LRTM2: variants seen among roughly 807,000 people sequenced by gnomAD.
The protein encoded by LRTM2 is leucine rich repeat transmembrane protein 2, also known as leucine-rich repeat and transmembrane domain-containing protein 2.
In LRTM2, 18 loss-of-function variants were observed where a neutral mutation model predicts 28.1. The ratio of observed to expected loss-of-function variants is 0.64; its 90% CI spans 0.44 to 0.95. LRTM2 has a LOEUF of 0.95. Among genes scored for constraint, LRTM2 ranks in the 40% least tolerant of loss-of-function variants. The pLI, the probability that LRTM2 is intolerant of heterozygous loss-of-function variation, is 0.00. For missense variants in LRTM2, 436 were observed against 497.2 expected, an observed-to-expected ratio of 0.88 and a Z score of 1.17; for synonymous variants, 250 against 218.7, an observed-to-expected ratio of 1.14 and a Z score of -1.26.
intron 1 of LRTM2, among the ~76,000 whole-genome samples, chr12:1,821,100 C>T (rs577154178): frequency 5.3e-5 from 8 of 152,278 alleles, no homozygotes; most frequent in Non-Finnish European, 7.3e-5. Flanking sequence ...ATGACAGTCC[C>T]GGGTGGCATA....
chr12:1,821,831 TCCCCCACC>T (rs1774306008), intron 1 of LRTM2, among the ~76,000 whole-genome samples: 1 of 151,810 alleles, frequency 6.6e-6, no homozygotes, highest in South Asian at 2.1e-4. Flanking sequence ...GCCCTGTCTC[TCCCCCACC>T]CCCAAGCTGT....
In LRTM2 at chr12:1,829,323, A is replaced by C. The variant is rs1864512504; in HGVS notation, c.67+1108A>C. 1.3e-5 allele frequency among the ~76,000 whole-genome samples: 2 copies of C among 152,136 alleles called. No individual in the cohort carries two copies. The highest frequency in any genetic ancestry group is 4.8e-5 in the African/African-American group (2 of 41,432). On this transcript the variant is annotated intron_variant, in intron 3 of 4. Coordinates refer to ENST00000299194, the MANE Select transcript of LRTM2 (RefSeq NM_001039029.3). This position sits in a 1 kb window ranked among gnomAD's most constrained non-coding sequence, Gnocchi z 4.2. ...TCCTGGGGAAAGTCAAGTCTGAAGAATGCTGATTTTCAAATGGCTTGGGGT... is the reference window on the plus strand; with the variant it reads ...TCCTGGGGAAAGTCAAGTCTGAAGACTGCTGATTTTCAAATGGCTTGGGGT...
chr12:1,832,291 G>A (rs367610788), intron 4 of LRTM2, among the ~76,000 whole-genome samples: 4 of 152,142 alleles, frequency 2.6e-5, no homozygotes, highest in Non-Finnish European at 2.9e-5. Context: ...GGCAGGGCCT[G>A]GTCTGTAAAG....
In LRTM2 at chr12:1,820,833, GT is replaced by G. The variant is rs1174085444; in HGVS notation, c.-259+20del. ...AAGACGGGTGAGTACCGAGTGGCTG[GT>G]AGGAAGGAATGGAGGGTTGGTGGGG... On this transcript the variant is annotated intron_variant, in intron 1 of 4. Transcript: ENST00000299194. The surrounding 1 kb of genome is among the most constrained non-coding windows in gnomAD (Gnocchi z 6.0). 2.0e-5 allele frequency: 3 copies of G among 152,350 alleles called. No homozygotes were observed. Among genetic ancestry groups the G allele is most frequent in the African/African-American group, 7.2e-5 (3 of 41,464 alleles). The allele number at this position is 152,350 out of a possible 1,614,324, so 9.4% of individuals were successfully genotyped here. A position where few individuals can be genotyped will look rare whatever the true frequency, so the allele number is the denominator to read the frequency against.
At chr12:1,826,636 G>A (rs1673099005) in intron 1 of LRTM2, among the ~76,000 whole-genome samples, 1 of 152,324 alleles carries the variant, frequency 6.6e-6, no homozygotes, top group Middle Eastern at 3.4e-3. Context: ...TGGCACCCTC[G>A]CTGCGTGGGG....
Position 1,828,298 on chromosome 12 carries a change from T to G in LRTM2, c.67+83T>G. 2.5e-6 allele frequency: 3 copies of G among 1,210,782 alleles called. No individual in the cohort carries two copies. The highest frequency in any genetic ancestry group is 2.3e-6 in the Non-Finnish European group (2 of 879,316). The allele number at this position is 1,210,782 out of a possible 1,614,324, so 75.0% of individuals were successfully genotyped here. The stretch of plus-strand genomic sequence containing the variant: ...CTGTAGGTAGCGCCATATGGGACCT[T>G]AGCCACACTCAGGCTGCAGGGAGGC... On this transcript the variant is annotated intron_variant, in intron 3 of 4. Coordinates refer to ENST00000299194, the MANE Select transcript of LRTM2 (RefSeq NM_001039029.3). The surrounding 1 kb of genome is among the most constrained non-coding windows in gnomAD (Gnocchi z 4.2).
chr12:1,821,078 C>T (rs1300361773), intron 1 of LRTM2, among the ~76,000 whole-genome samples: 2 of 152,178 alleles, frequency 1.3e-5, no homozygotes, highest in African/African-American at 2.4e-5. Context: ...AGGAGGGCAG[C>T]GCTGGCGCCA....
intron 1 of LRTM2, among the ~76,000 whole-genome samples, chr12:1,822,337 T>A (rs1391529724): frequency 6.6e-6 from 1 of 151,864 alleles, no homozygotes; most frequent in Non-Finnish European, 1.5e-5. Flanking sequence ...GTTGGGGGTG[T>A]CTGGGAGTTC....
At position 1,826,414 on chromosome 12, in the gene LRTM2, C is replaced by T. The variant is rs1024732498; in HGVS notation, c.-258-996C>T. 2.7e-3 allele frequency among the ~76,000 whole-genome samples: 369 copies of T among 138,518 alleles called. 2 individuals carry two copies. The highest frequency in any genetic ancestry group is 9.6e-3 in the African/African-American group (349 of 36,496). The allele number at this position is 138,518 out of a possible 152,430, so 90.9% of individuals were successfully genotyped here. A position where few individuals can be genotyped will look rare whatever the true frequency, so the allele number is the denominator to read the frequency against. On this transcript the variant is annotated intron_variant, in intron 1 of 4. Transcript: ENST00000299194. ...TTGAACCCAGAGCCCCCCCCCCCCC[C>T]CCGCCAACTGGCACCAGGAGCCCAC...
chr12:1,834,914 G>T lies in LRTM2; in HGVS notation c.*193G>T. On this transcript the variant is annotated 3_prime_UTR_variant, in exon 5 of 5. Transcript: ENST00000299194. The surrounding 1 kb of genome is among the most constrained non-coding windows in gnomAD (Gnocchi z 7.6). ...CTCCCTGAAAGCCACCGTGCTGGGGGCTCCTGCTGATGCTCCTGTCTGGGC... is the reference window on the plus strand; with the variant it reads ...CTCCCTGAAAGCCACCGTGCTGGGGTCTCCTGCTGATGCTCCTGTCTGGGC... 9 of 1,063,804 alleles carry T rather than the reference G, an allele frequency of 8.5e-6. No individual in the cohort carries two copies. Among genetic ancestry groups the T allele is most frequent in the Non-Finnish European group, 1.2e-5 (9 of 766,904 alleles). The allele number at this position is 1,063,804 out of a possible 1,614,324, so 65.9% of individuals were successfully genotyped here.
chr12:1,829,370 C>G lies in LRTM2; in HGVS notation c.67+1155C>G, dbSNP rs113006069. Among the ~76,000 whole-genome samples, 1,051 of 152,174 alleles carry G rather than the reference C, an allele frequency of 6.9e-3. 15 individuals carry two copies. Among genetic ancestry groups the G allele is most frequent in the African/African-American group, 0.024 (978 of 41,518 alleles). ...GGGTGGTGGTATGGGGCTGGCTGATCTGGTAGCAGACGGGCTCAGAGGGGT... is the reference window on the plus strand; with the variant it reads ...GGGTGGTGGTATGGGGCTGGCTGATGTGGTAGCAGACGGGCTCAGAGGGGT... On this transcript the variant is annotated intron_variant, in intron 3 of 4. Transcript: ENST00000299194. The surrounding 1 kb of genome is among the most constrained non-coding windows in gnomAD (Gnocchi z 4.2).
rs1409024015 is a variant in LRTM2 at position 1,831,054 on chromosome 12, C to A, written c.187C>A (p.Pro63Thr). The change falls in exon 4 of 5, where the codon CCC (proline) becomes ACC (threonine). Residue 63 changes from proline to threonine, a missense_variant. Coordinates refer to ENST00000299194, the MANE Select transcript of LRTM2 (RefSeq NM_001039029.3). ...CAGTGGCCTTGGCCTCACCACGGTG[C>A]CCCCAGACGTGCCCGCAGCCACCCG... Reference protein sequence around the residue: ...DCSGLGLTTVPPDVPAATRTL... With the variant: ...DCSGLGLTTVTPDVPAATRTL... 1 of 1,613,834 alleles carries A rather than the reference C, an allele frequency of 6.2e-7. No homozygotes were observed. The highest frequency in any genetic ancestry group is 8.5e-7 in the Non-Finnish European group (1 of 1,180,032).
Position 1,830,941 on chromosome 12 carries a change from C to G in LRTM2, c.74C>G (p.Thr25Ser), listed in dbSNP as rs1323014857. The G allele has an allele frequency of 3.1e-6, 5 of 1,597,488 alleles. No homozygotes were observed. The highest frequency in any genetic ancestry group is 1.7e-5 in the Admixed American group (1 of 59,288). The change falls in exon 4 of 5, where the codon ACC becomes AGC. Residue 25 changes from threonine to serine, a missense_variant. Thr to Ser is a moderately conservative substitution (Grantham distance 58). Coordinates refer to ENST00000299194, the MANE Select transcript of LRTM2 (RefSeq NM_001039029.3). Reference sequence around the variant, plus strand: ...GTCTGTCCCTCCCACCAAGGGATCACCTGCTGGATCGCCCTGTATGCTGTG... The same window carrying G: ...GTCTGTCCCTCCCACCAAGGGATCAGCTGCTGGATCGCCCTGTATGCTGTG... Reference protein sequence around the residue: ...ALQWRQVSWITCWIALYAVEA... With the variant: ...ALQWRQVSWISCWIALYAVEA...
chr12:1,827,090 G>A (rs1410191357), intron 1 of LRTM2, among the ~76,000 whole-genome samples: 1 of 152,224 alleles, frequency 6.6e-6, no homozygotes, highest in Non-Finnish European at 1.5e-5. Context: ...GGAGCCCGTG[G>A]AGGGCGAAGG....
At chr12:1,830,619 T>C (rs1018793038) in intron 3 of LRTM2, among the ~76,000 whole-genome samples, 2 of 152,162 alleles carry the variant, frequency 1.3e-5, no homozygotes, top group African/African-American at 4.8e-5. Context: ...GAGCTTCCTA[T>C]CACTGCACCA....
At position 1,831,440 on chromosome 12, in the gene LRTM2, G is replaced by A. The variant is rs765276016; in HGVS notation, c.573G>A (p.Gln191=). ...RLTFEPLANL[Q]LLQVGDNPWE... The stretch of plus-strand genomic sequence containing the variant: ...CATTTGAACCCCTAGCAAACCTGCA[G>A]CTGCTGCAGGTCGGGGATAACCCCT... The change falls in exon 4 of 5, where the codon CAG becomes CAA. Residue 191 remains glutamine, a synonymous_variant. Transcript: ENST00000299194. 2.5e-6 allele frequency: 4 copies of A among 1,614,150 alleles called. No individual in the cohort carries two copies. The Admixed American group carries it at 6.7e-5, about 27-fold the overall frequency.
At chr12:1,823,611 A>C (rs1864199763) in intron 1 of LRTM2, among the ~76,000 whole-genome samples, 1 of 140,306 alleles carries the variant, frequency 7.1e-6, no homozygotes, top group African/African-American at 2.7e-5. Flanking sequence ...TACTCCCCTC[A>C]CCTCAGCACA....
rs1864522324 is a variant in LRTM2 at position 1,829,526 on chromosome 12, TG to T, written c.67+1314del. ...CTTGCTGTTAGGCTGCAGGGAGGCC[TG>T]GGCCAGATCTAGCCACGTGTCAGCT... On this transcript the variant is annotated intron_variant, in intron 3 of 4. Coordinates refer to ENST00000299194, the MANE Select transcript of LRTM2 (RefSeq NM_001039029.3). This position sits in a 1 kb window ranked among gnomAD's most constrained non-coding sequence, Gnocchi z 4.2. Among the ~76,000 whole-genome samples the T allele has an allele frequency of 6.6e-6, 1 of 152,038 alleles. No individual in the cohort carries two copies.
chr12:1,824,954 C>G (rs961663311), intron 1 of LRTM2, among the ~76,000 whole-genome samples: 1 of 152,192 alleles, frequency 6.6e-6, no homozygotes, highest in African/African-American at 2.4e-5. Flanking sequence ...CCCAAGGGAC[C>G]CAGGGAGGCA....
Sources: gnomAD v4.1 joint callset for allele counts (sites outside exome capture counted in the v4.1 genomes callset) on GRCh38, gnomAD v4.1.1 for gene constraint, Gnocchi (gnomAD v3.1) non-coding constraint, MANE v1.5 for transcripts, NCBI Gene and HGNC (gene_info 2026-07-23, HGNC 2026-07-21) for gene names.